The following TBC1D32 variants were observed in gnomAD, a reference collection of about 807,000 sequenced individuals.
The protein encoded by TBC1D32 is protein broad-minded.
TBC1D32 carries 151 observed loss-of-function variants against 170.3 expected under a neutral mutation model. That is an observed-to-expected ratio of 0.89 (90% CI 0.78 to 1.01). TBC1D32 has a LOEUF of 1.01. Ranked by LOEUF, TBC1D32 falls within the 50% of genes least tolerant of loss-of-function variation. TBC1D32 has a pLI of 0.00. For missense variants in TBC1D32, 1,464 were observed against 1,457.1 expected, an observed-to-expected ratio of 1.00 and a Z score of -0.08; for synonymous variants, 498 against 488.0, an observed-to-expected ratio of 1.02 and a Z score of -0.27.
At chr6:121,145,923 G>A (rs1783373498) in intron 24 of TBC1D32, among the ~76,000 whole-genome samples, 1 of 152,158 alleles carries the variant, frequency 6.6e-6, no homozygotes, top group South Asian at 2.1e-4. Flanking sequence ...TATATGATTT[G>A]CAGAGGTTAA....
intron 15 of TBC1D32, among the ~76,000 whole-genome samples, chr6:121,261,494 G>T (rs954837492): frequency 6.6e-6 from 1 of 152,044 alleles, no homozygotes; most frequent in African/African-American, 2.4e-5. Context: ...AGATGAATAG[G>T]GCCTGAAGTG....
intron 20 of TBC1D32, among the ~76,000 whole-genome samples, chr6:121,233,252 C>A (rs190168352): frequency 6.6e-6 from 1 of 152,062 alleles, no homozygotes; most frequent in East Asian, 1.9e-4. Context: ...TTTAACTTCA[C>A]TGCTTCTTTG....
Position 121,223,269 on chromosome 6 carries a change from TTC to T in TBC1D32, c.2446_2447del (p.Glu816IlefsTer5), listed in dbSNP as rs1347192822. 8 of 1,587,042 alleles carry T rather than the reference TTC, an allele frequency of 5.0e-6. No homozygotes were observed. Among genetic ancestry groups the T allele is most frequent in the African/African-American group, 1.4e-5 (1 of 73,102 alleles). On this transcript the variant is annotated frameshift_variant, in exon 21 of 32. Transcript: ENST00000398212. LOFTEE classifies it high-confidence loss of function. ...VRNQDLPNKTEYSLREVPTCV... is the reference protein window; with the variant it reads ...VRNQDLPNKTXYSLREVPTCV... The stretch of plus-strand genomic sequence containing the variant: ...ATGTTGGGACTTCACGAAGAGAATA[TTC>T]TGTTTTATTAGGAAGATCTTGATTC...
At chr6:121,154,709 A>T (rs1349788249) in intron 24 of TBC1D32, among the ~76,000 whole-genome samples, 1 of 152,236 alleles carries the variant, frequency 6.6e-6, no homozygotes, top group Non-Finnish European at 1.5e-5. Context: ...ACCTAATTAA[A>T]GAGTTTCTGC....
At chr6:121,182,366 A>G (rs929394472) in intron 22 of TBC1D32, among the ~76,000 whole-genome samples, 1 of 151,572 alleles carries the variant, frequency 6.6e-6, no homozygotes, top group Admixed American at 6.6e-5. Context: ...TATATATTAT[A>G]TCAACAAGAA....
At chr6:121,273,016 A>G (rs78815646) in intron 15 of TBC1D32, among the ~76,000 whole-genome samples, 16,150 of 151,938 alleles carry the variant, frequency 0.11, 1,601 homozygotes, top group African/African-American at 0.26. Flanking sequence ...AGGAGAAAAA[A>G]CCAAACACTG....
At chr6:121,322,992 G>A (rs1252952484) in intron 1 of TBC1D32, among the ~76,000 whole-genome samples, 3 of 150,758 alleles carry the variant, frequency 2.0e-5, no homozygotes, top group African/African-American at 4.9e-5. Context: ...AAGAGAAGAG[G>A]AATGAAAAGA....
intron 24 of TBC1D32, among the ~76,000 whole-genome samples, chr6:121,153,406 C>T (rs1269310399): frequency 1.3e-5 from 2 of 152,174 alleles, no homozygotes; most frequent in Non-Finnish European, 2.9e-5. Flanking sequence ...CCAGCTGAAG[C>T]TCTCCTGTAT....
chr6:121,141,877 T>C (rs78440723), intron 24 of TBC1D32, among the ~76,000 whole-genome samples: 2 of 152,200 alleles, frequency 1.3e-5, no homozygotes, highest in African/African-American at 4.8e-5. Flanking sequence ...GAAAAGGTTA[T>C]GGCTAAAGGC....
intron 20 of TBC1D32, among the ~76,000 whole-genome samples, chr6:121,233,209 A>G (rs549347639): frequency 8.5e-5 from 13 of 152,224 alleles, no homozygotes; most frequent in East Asian, 3.9e-4. Flanking sequence ...TGTTCTGTAA[A>G]TATCTGTTAA....
At chr6:121,296,349 G>T (rs1805640979) in intron 10 of TBC1D32, among the ~76,000 whole-genome samples, 1 of 152,074 alleles carries the variant, frequency 6.6e-6, no homozygotes, top group African/African-American at 2.4e-5. Context: ...CTGGGGGGTT[G>T]TCTTGGGGAC....
At chr6:121,255,977 C>G in intron 16 of TBC1D32, 107 bp downstream of exon 16, 1 of 953,886 alleles carries the variant, frequency 1.0e-6, no homozygotes, top group Non-Finnish European at 1.6e-6. Flanking sequence ...CTAAAGAAGT[C>G]ATATTTGCCC....
chr6:121,230,407 T>C (rs962163963), intron 20 of TBC1D32, among the ~76,000 whole-genome samples: 1 of 152,116 alleles, frequency 6.6e-6, no homozygotes, highest in Admixed American at 6.6e-5. Context: ...TTGGTAAATA[T>C]ATTATCATCT....
At chr6:121,186,731 G>C (rs1361302601) in intron 22 of TBC1D32, among the ~76,000 whole-genome samples, 1 of 151,936 alleles carries the variant, frequency 6.6e-6, no homozygotes, top group African/African-American at 2.4e-5. Context: ...ATGAAGATAC[G>C]ACTAGAACTA....
chr6:121,154,527 C>A (rs1289433181), intron 24 of TBC1D32, among the ~76,000 whole-genome samples: 2 of 152,110 alleles, frequency 1.3e-5, no homozygotes, highest in Admixed American at 6.5e-5. Flanking sequence ...CCCTACCTTA[C>A]CATATACAAA....
At chr6:121,178,961 T>C (rs1788150408) in intron 22 of TBC1D32, among the ~76,000 whole-genome samples, 1 of 152,146 alleles carries the variant, frequency 6.6e-6, no homozygotes, top group South Asian at 2.1e-4. Context: ...TTCAGCCTTG[T>C]GAGACTGTGA....
chr6:121,083,241 ATAAGG>A (rs1223141586), intron 31 of TBC1D32, among the ~76,000 whole-genome samples: 1 of 135,028 alleles, frequency 7.4e-6, no homozygotes, highest in East Asian at 2.0e-4. Flanking sequence ...CATTAATTAC[ATAAGG>A]TAATAACACT....
intron 26 of TBC1D32, among the ~76,000 whole-genome samples, chr6:121,117,648 G>T (rs911468334): frequency 6.6e-6 from 1 of 152,074 alleles, no homozygotes; most frequent in African/African-American, 2.4e-5. Flanking sequence ...GTGGGAGTGG[G>T]CTGAGATCAT....
chr6:121,273,367 A>G (rs967445360), intron 15 of TBC1D32, among the ~76,000 whole-genome samples: 1 of 151,492 alleles, frequency 6.6e-6, no homozygotes, highest in African/African-American at 2.4e-5. Context: ...GGAAACCATC[A>G]TTCTCAGCAA....
Sources: allele counts gnomAD v4.1 joint callset (sites outside exome capture counted in the v4.1 genomes callset), GRCh38; gene constraint gnomAD v4.1.1; transcripts MANE v1.5; gene names NCBI Gene and HGNC (gene_info 2026-07-23, HGNC 2026-07-21).